RABGAP1L: variants seen among roughly 807,000 people sequenced by gnomAD.
RABGAP1L encodes rab GTPase-activating protein 1-like.
In RABGAP1L, 63 loss-of-function variants were observed where a neutral mutation model predicts 137.7. The observed-to-expected ratio is 0.46, with a 90% CI of 0.37 to 0.56. The LOEUF is 0.56. RABGAP1L is among the 20% of genes least tolerant of loss of function. RABGAP1L has a pLI of 0.00. For missense variants in RABGAP1L, 1,095 were observed against 1,244.0 expected, an observed-to-expected ratio of 0.88 and a Z score of 1.80; for synonymous variants, 431 against 433.7, an observed-to-expected ratio of 0.99 and a Z score of 0.08.
At chr1:174,742,662 T>C (rs1408628225) in intron 17 of RABGAP1L, among the ~76,000 whole-genome samples, 1 of 152,198 alleles carries the variant, frequency 6.6e-6, no homozygotes, top group Admixed American at 6.5e-5. Context: ...AGAAGTCCTG[T>C]ATCATTATGA....
At chr1:174,526,410 G>A (rs572229051) in intron 13 of RABGAP1L, among the ~76,000 whole-genome samples, 1 of 152,238 alleles carries the variant, frequency 6.6e-6, no homozygotes, top group East Asian at 1.9e-4. Flanking sequence ...AGTTTGAGGA[G>A]GATTGGTATT....
rs528483361 is a variant in RABGAP1L at position 174,683,868 on chromosome 1, A to G, written c.1899+272A>G. On this transcript the variant is annotated intron_variant, in intron 15 of 25. Transcript: ENST00000681986. ...ATCCTCTGGAATTAAAGAAGTCGGT[A>G]TAACTGCCCAAATATCAGGACCTGG... Among the ~76,000 whole-genome samples, 12 of 152,344 alleles carry G rather than the reference A, an allele frequency of 7.9e-5. No homozygotes were observed. The South Asian group carries it at 2.5e-3, about 32-fold the overall frequency.
chr1:174,904,021 GCCTCCACT>G (rs1658601768), intron 19 of RABGAP1L, among the ~76,000 whole-genome samples: 1 of 151,272 alleles, frequency 6.6e-6, no homozygotes, highest in African/African-American at 2.4e-5. Context: ...GAAGCAAGCT[GCCTCCACT>G]CTCCCCTCCC....
chr1:174,663,860 T>C (rs1293961494), intron 14 of RABGAP1L, among the ~76,000 whole-genome samples: 1 of 152,216 alleles, frequency 6.6e-6, no homozygotes, highest in African/African-American at 2.4e-5. Context: ...TATATACTTA[T>C]TGTCATGTGT....
At chr1:174,197,235 C>T (rs1667754966) in intron 1 of RABGAP1L, among the ~76,000 whole-genome samples, 2 of 152,094 alleles carry the variant, frequency 1.3e-5, no homozygotes. Context: ...ATTTACTCAC[C>T]TAAGGTCATA....
intron 19 of RABGAP1L, among the ~76,000 whole-genome samples, chr1:174,868,052 G>A (rs897115120): frequency 6.6e-6 from 1 of 151,924 alleles, no homozygotes. Flanking sequence ...CGCAGCCTCC[G>A]CCGCCTGGGG....
chr1:174,586,634 A>G (rs1669139256), intron 13 of RABGAP1L, among the ~76,000 whole-genome samples: 1 of 152,064 alleles, frequency 6.6e-6, no homozygotes, highest in Non-Finnish European at 1.5e-5. Context: ...TTTTACTCTC[A>G]TTGCCCAGGC....
At chr1:174,903,514 T>C (rs887588881) in intron 19 of RABGAP1L, among the ~76,000 whole-genome samples, 6 of 152,144 alleles carry the variant, frequency 3.9e-5, no homozygotes, top group African/African-American at 1.2e-4. Flanking sequence ...TATGGGAAAA[T>C]AAAATGTTCA....
At chr1:174,331,838 C>T (rs1681060794) in intron 11 of RABGAP1L, among the ~76,000 whole-genome samples, 1 of 138,070 alleles carries the variant, frequency 7.2e-6, no homozygotes, top group Non-Finnish European at 1.6e-5. Flanking sequence ...CCCCCCACCC[C>T]ACAACCGTCC....
intron 13 of RABGAP1L, among the ~76,000 whole-genome samples, chr1:174,549,669 C>G (rs988804715): frequency 3.9e-5 from 6 of 152,102 alleles, no homozygotes; most frequent in South Asian, 4.1e-4. Context: ...TGCTGAATTC[C>G]CTAAACCAAG....
intron 17 of RABGAP1L, among the ~76,000 whole-genome samples, chr1:174,709,867 A>G (rs1452597616): frequency 2.0e-5 from 3 of 152,246 alleles, no homozygotes; most frequent in Admixed American, 6.5e-5. Flanking sequence ...ATTGGTAATA[A>G]CAAACTCCTC....
chr1:174,232,626 A>G (rs1670768861), intron 4 of RABGAP1L, among the ~76,000 whole-genome samples: 1 of 151,784 alleles, frequency 6.6e-6, no homozygotes, highest in African/African-American at 2.4e-5. Flanking sequence ...TACTAAAAAT[A>G]CAAAAAATTA....
At chr1:174,283,505 G>T (rs72713512) in intron 10 of RABGAP1L, among the ~76,000 whole-genome samples, 66,490 of 150,820 alleles carry the variant, frequency 0.44, 16,210 homozygotes, top group African/African-American at 0.66. Context: ...TGTTTTTTTT[G>T]TTTGTTTGTT....
chr1:174,838,311 C>T (rs1461693495), intron 19 of RABGAP1L, among the ~76,000 whole-genome samples: 1 of 152,146 alleles, frequency 6.6e-6, no homozygotes, highest in Non-Finnish European at 1.5e-5. Flanking sequence ...CTAGGAGTTT[C>T]TGTATACCCA....
chr1:174,566,150 A>T (rs1667568553), intron 13 of RABGAP1L, among the ~76,000 whole-genome samples: 2 of 151,992 alleles, frequency 1.3e-5, no homozygotes, highest in Non-Finnish European at 2.9e-5. Context: ...TGGTAATTTC[A>T]TTGTTGTTAG....
At chr1:174,864,100 A>G (rs561114074) in intron 19 of RABGAP1L, among the ~76,000 whole-genome samples, 2 of 152,378 alleles carry the variant, frequency 1.3e-5, no homozygotes, top group South Asian at 4.1e-4. Flanking sequence ...TAGAAATTAA[A>G]TTGAAGTCGT....
intron 13 of RABGAP1L, among the ~76,000 whole-genome samples, chr1:174,605,958 T>C (rs1670759816): frequency 6.6e-6 from 1 of 152,196 alleles, no homozygotes; most frequent in African/African-American, 2.4e-5. Context: ...ACCCTGAATT[T>C]GATGTTTGTT....
chr1:174,960,945 C>T (rs190212752), intron 20 of RABGAP1L, among the ~76,000 whole-genome samples: 94 of 152,310 alleles, frequency 6.2e-4, no homozygotes, highest in Middle Eastern at 3.4e-3. Flanking sequence ...CATATATGCA[C>T]TGCCTGTGCT....
At chr1:174,181,312 C>T (rs935984004) in intron 1 of RABGAP1L, among the ~76,000 whole-genome samples, 1 of 150,896 alleles carries the variant, frequency 6.6e-6, no homozygotes, top group Non-Finnish European at 1.5e-5. Context: ...AGCTACTAAT[C>T]ATTTTATACA....
Sources: allele counts gnomAD v4.1 joint callset (sites outside exome capture counted in the v4.1 genomes callset), GRCh38; gene constraint gnomAD v4.1.1; transcripts MANE v1.5; gene names NCBI Gene and HGNC (gene_info 2026-07-23, HGNC 2026-07-21).